Variants in SOX5 observed in about 807,000 individuals in gnomAD.
SOX5 encodes SRY-box transcription factor 5.
A neutral mutation model predicts 92.0 loss-of-function variants in SOX5; 9 were observed. The observed-to-expected ratio is 0.10, with a 90% CI of 0.06 to 0.17. The LOEUF (loss-of-function observed/expected upper bound fraction) is 0.17, where lower values mean the gene tolerates loss of function less well. SOX5 is among the 10% of genes least tolerant of loss of function. SOX5 has a pLI of 1.00. For synonymous variants in SOX5, 344 were observed against 336.3 expected, an observed-to-expected ratio of 1.02 and a Z score of -0.25; for missense variants, 642 against 944.5, an observed-to-expected ratio of 0.68 and a Z score of 4.20.
At chr12:24,103,684 A>T (rs1466998609) in intron 4 of SOX5, among the ~76,000 whole-genome samples, 1 of 152,248 alleles carries the variant, frequency 6.6e-6, no homozygotes, top group East Asian at 1.9e-4. Flanking sequence ...AAATTGTTTA[A>T]CCTATGAAAG....
At chr12:23,887,517 C>T (rs569983400) in intron 2 of SOX5, among the ~76,000 whole-genome samples, 13 of 152,130 alleles carry the variant, frequency 8.5e-5, no homozygotes, top group South Asian at 2.1e-4. Context: ...TAAAGATGAC[C>T]ACCTATCCAT....
intron 6 of SOX5, among the ~76,000 whole-genome samples, chr12:23,689,308 C>T (rs73279999): frequency 5.1e-4 from 77 of 152,156 alleles, no homozygotes; most frequent in African/African-American, 1.8e-3. Context: ...GTTGCATATG[C>T]TGTCAAAACC....
At chr12:24,423,433 AC>A (rs1966235183) in intron 1 of SOX5, among the ~76,000 whole-genome samples, 1 of 152,212 alleles carries the variant, frequency 6.6e-6, no homozygotes, top group Non-Finnish European at 1.5e-5. Flanking sequence ...GAGTATTAAA[AC>A]TATAAAACGT....
chr12:23,617,712 T>C (rs150734232), intron 8 of SOX5, among the ~76,000 whole-genome samples: 2 of 152,160 alleles, frequency 1.3e-5, no homozygotes, highest in East Asian at 3.9e-4. Flanking sequence ...AGCCTATAAA[T>C]AAGAAACACT....
intron 3 of SOX5, among the ~76,000 whole-genome samples, chr12:24,234,480 C>G (rs911317240): frequency 3.3e-5 from 5 of 152,148 alleles, no homozygotes; most frequent in Non-Finnish European, 5.9e-5. Flanking sequence ...CAGATTCAAG[C>G]AATTTTCCTG....
chr12:24,254,919 T>C (rs1940884686), intron 3 of SOX5, among the ~76,000 whole-genome samples: 1 of 152,090 alleles, frequency 6.6e-6, no homozygotes, highest in Admixed American at 6.5e-5. Flanking sequence ...TCCACCCACT[T>C]TACTCCTAAA....
At chr12:23,715,766 A>C (rs1394688224) in intron 6 of SOX5, among the ~76,000 whole-genome samples, 2 of 146,108 alleles carry the variant, frequency 1.4e-5, no homozygotes, top group Non-Finnish European at 3.0e-5. Context: ...AACTTAGCAG[A>C]GAGGTCAATA....
At chr12:23,823,459 T>C (rs1215385280) in intron 3 of SOX5, among the ~76,000 whole-genome samples, 2 of 152,350 alleles carry the variant, frequency 1.3e-5, no homozygotes, top group East Asian at 1.9e-4. Context: ...CTCTTCTGGC[T>C]TGTAGGGTTT....
chr12:24,176,077 T>G (rs891887493), intron 4 of SOX5, among the ~76,000 whole-genome samples: 1 of 152,160 alleles, frequency 6.6e-6, no homozygotes, highest in Non-Finnish European at 1.5e-5. Flanking sequence ...ACACCTGTAA[T>G]TCCAACACTT....
intron 2 of SOX5, among the ~76,000 whole-genome samples, chr12:23,854,050 A>T (rs1312122134): frequency 6.6e-6 from 1 of 152,082 alleles, no homozygotes; most frequent in East Asian, 1.9e-4. Context: ...AACTTGACTA[A>T]ATATCTATTC....
chr12:24,061,728 T>C (rs1939736294), intron 4 of SOX5, among the ~76,000 whole-genome samples: 1 of 148,584 alleles, frequency 6.7e-6, no homozygotes, highest in Admixed American at 6.8e-5. Flanking sequence ...CATATACCTA[T>C]TGCTTCAATA....
chr12:24,326,781 T>TACACACACACACACAC (rs1306084119), intron 2 of SOX5, among the ~76,000 whole-genome samples: 15 of 42,404 alleles, frequency 3.5e-4, no homozygotes, highest in Admixed American at 1.4e-3. Flanking sequence ...CACCCATTCA[T>TACACACACACACACAC]ACACACACAT....
chr12:23,821,548 G>T (rs1484489213), intron 3 of SOX5, among the ~76,000 whole-genome samples: 1 of 152,090 alleles, frequency 6.6e-6, no homozygotes, highest in African/African-American at 2.4e-5. Context: ...TCAGTATATG[G>T]GCTGTGGGTT....
intron 4 of SOX5, among the ~76,000 whole-genome samples, chr12:23,975,279 A>AT (rs1376874012): frequency 1.3e-5 from 2 of 152,174 alleles, no homozygotes; most frequent in Non-Finnish European, 2.9e-5. Context: ...CCTCGATACT[A>AT]TAACAATAAA....
chr12:24,216,358 G>C (rs1380318182), intron 3 of SOX5, among the ~76,000 whole-genome samples: 3 of 152,184 alleles, frequency 2.0e-5, no homozygotes, highest in East Asian at 1.9e-4. Context: ...GTGGCGGGCG[G>C]CTGTAGTCCC....
intron 4 of SOX5, among the ~76,000 whole-genome samples, chr12:23,969,930 T>G (rs1308919674): frequency 6.6e-6 from 1 of 152,142 alleles, no homozygotes; most frequent in African/African-American, 2.4e-5. Context: ...AGGACGCAAG[T>G]GTGCCGGCAA....
At chr12:23,626,855 G>T (rs1223461528) in intron 8 of SOX5, among the ~76,000 whole-genome samples, 2 of 152,016 alleles carry the variant, frequency 1.3e-5, no homozygotes, top group Non-Finnish European at 2.9e-5. Context: ...TATGCCAGAG[G>T]TTGCAGTTTT....
chr12:23,644,584 C>G (rs2080581324), intron 7 of SOX5, among the ~76,000 whole-genome samples: 1 of 152,110 alleles, frequency 6.6e-6, no homozygotes, highest in Non-Finnish European at 1.5e-5. Flanking sequence ...TGTGATCAAG[C>G]AAACTTTATA....
intron 10 of SOX5, among the ~76,000 whole-genome samples, chr12:23,568,407 A>G (rs1269510833): frequency 2.0e-5 from 3 of 152,268 alleles, no homozygotes; most frequent in South Asian, 2.1e-4. Context: ...TAGGAAACCA[A>G]TATGCCACCC....
Sources: gnomAD v4.1 joint callset for allele counts (sites outside exome capture counted in the v4.1 genomes callset) on GRCh38, gnomAD v4.1.1 for gene constraint, MANE v1.5 for transcripts, NCBI Gene and HGNC (gene_info 2026-07-23, HGNC 2026-07-21) for gene names.